The following SPEF2 variants were observed in gnomAD, a reference collection of about 807,000 sequenced individuals.
The protein encoded by SPEF2 is sperm flagella and cilia-associated protein 2.
Under a neutral mutation model 224.6 loss-of-function variants are expected in SPEF2, and 187 were observed. That is an observed-to-expected ratio of 0.83 (90% CI 0.74 to 0.94). The LOEUF (loss-of-function observed/expected upper bound fraction) is 0.94, where lower values mean the gene tolerates loss of function less well. Ranked by LOEUF, SPEF2 falls within the 40% of genes least tolerant of loss-of-function variation. SPEF2 has a pLI of 0.00. For missense variants in SPEF2, 2,170 were observed against 2,135.6 expected (o/e 1.02, Z -0.32); for synonymous variants, 715 against 707.3 (o/e 1.01, Z -0.17).
chr5:35,737,296 G>A (rs1746781098), intron 21 of SPEF2, among the ~76,000 whole-genome samples: 1 of 151,922 alleles, frequency 6.6e-6, no homozygotes, highest in African/African-American at 2.4e-5. Context: ...CATGTGCCAT[G>A]TTGGTGTGCT....
intron 17 of SPEF2, 97 bp from the exon 18 acceptor site, chr5:35,705,554 C>G (rs1580365746): frequency 1.3e-6 from 1 of 795,618 alleles, no homozygotes; most frequent in Non-Finnish European, 1.9e-6. Context: ...ATATTGGCAG[C>G]CTGTCTTTTC....
rs771012146 is a variant in SPEF2 at position 35,814,558 on chromosome 5, A to C, written c.*5A>C. The C allele has an allele frequency of 6.3e-7, 1 of 1,575,228 alleles. No homozygotes were observed. Among genetic ancestry groups the C allele is most frequent in the African/African-American group, 1.4e-5 (1 of 73,414 alleles). ...CATACAGAGGAAAAGAAATGAAGAC[A>C]AAAGAGTGTGATTTTTTTAATTCTG... On this transcript the variant is annotated 3_prime_UTR_variant, in exon 37 of 37. Transcript: ENST00000356031.
chr5:35,621,755 T>G (rs1161193352), intron 1 of SPEF2, among the ~76,000 whole-genome samples: 1 of 152,224 alleles, frequency 6.6e-6, no homozygotes, highest in Non-Finnish European at 1.5e-5. Context: ...GTGCATTTGC[T>G]GCCTTATGGG....
chr5:35,713,309 C>A (rs1360881285), intron 20 of SPEF2, among the ~76,000 whole-genome samples: 1 of 152,186 alleles, frequency 6.6e-6, no homozygotes, highest in African/African-American at 2.4e-5. Context: ...AGAAAGGAGC[C>A]TTGGTACAAT....
chr5:35,789,322 C>G, intron 30 of SPEF2: 1 of 703,474 alleles, frequency 1.4e-6, no homozygotes. Context: ...CAATTGCTGA[C>G]ATATTTGCCA....
intron 20 of SPEF2, among the ~76,000 whole-genome samples, chr5:35,723,172 C>A (rs1024849502): frequency 1.3e-5 from 2 of 152,076 alleles, no homozygotes; most frequent in African/African-American, 4.8e-5. Flanking sequence ...GTCCAGGGAC[C>A]CCCTCCCACC....
At chr5:35,650,978 C>T (rs548676268) in intron 6 of SPEF2, among the ~76,000 whole-genome samples, 8 of 152,238 alleles carry the variant, frequency 5.3e-5, no homozygotes, top group African/African-American at 1.9e-4. Flanking sequence ...TTTTGCCTCA[C>T]TGTCCTGTTG....
intron 10 of SPEF2, among the ~76,000 whole-genome samples, chr5:35,690,594 T>C (rs1424561817): frequency 6.6e-6 from 1 of 152,146 alleles, no homozygotes; most frequent in African/African-American, 2.4e-5. Context: ...TCAAGAAGCC[T>C]GAATAAAGCG....
chr5:35,622,134 T>G (rs1446469403), intron 1 of SPEF2, among the ~76,000 whole-genome samples: 1 of 152,198 alleles, frequency 6.6e-6, no homozygotes, highest in Non-Finnish European at 1.5e-5. Flanking sequence ...CAGTCTATGC[T>G]CCTTGTTAAT....
At chr5:35,700,323 G>A in intron 15 of SPEF2, 173 bp from the exon 16 acceptor site, 1 of 640,600 alleles carries the variant, frequency 1.6e-6, no homozygotes, top group Non-Finnish European at 2.7e-6. Context: ...GTATTTTTAA[G>A]CAAGGGAGTG....
intron 30 of SPEF2, chr5:35,789,334 T>C (rs1439150968): frequency 1.3e-5 from 9 of 703,384 alleles, no homozygotes; most frequent in Non-Finnish European, 2.3e-5. Flanking sequence ...TATTTGCCAC[T>C]TTAGAGTCAA....
At chr5:35,778,617 A>C (rs1468929669) in intron 29 of SPEF2, among the ~76,000 whole-genome samples, 2 of 152,234 alleles carry the variant, frequency 1.3e-5, no homozygotes, top group African/African-American at 4.8e-5. Flanking sequence ...AGATAACATC[A>C]AACTTCTTTG....
intron 36 of SPEF2, among the ~76,000 whole-genome samples, chr5:35,809,704 A>C (rs1561399030): frequency 6.6e-6 from 1 of 152,186 alleles, no homozygotes; most frequent in Non-Finnish European, 1.5e-5. Context: ...TTTGAAAAGC[A>C]AGAGAGAATG....
intron 24 of SPEF2, among the ~76,000 whole-genome samples, chr5:35,757,203 T>A (rs575407725): frequency 6.6e-6 from 1 of 152,114 alleles, no homozygotes; most frequent in Non-Finnish European, 1.5e-5. Flanking sequence ...TCTGCCTTTA[T>A]GAAAATCTTG....
intron 6 of SPEF2, 114 bp downstream of exon 6, chr5:35,649,539 A>G: frequency 4.1e-6 from 3 of 730,058 alleles, no homozygotes. Flanking sequence ...TTTCACTCCA[A>G]AGAATCTTGA....
Position 35,814,596 on chromosome 5 carries a change from C to A in SPEF2, c.*43C>A. 3 of 1,327,164 alleles carry A rather than the reference C, an allele frequency of 2.3e-6. No individual in the cohort carries two copies. Among genetic ancestry groups the A allele is most frequent in the South Asian group, 1.3e-5 (1 of 75,612 alleles). 82.2% of individuals were successfully genotyped at this position (1,327,164 alleles called of 1,614,324 possible). On this transcript the variant is annotated 3_prime_UTR_variant, in exon 37 of 37. Transcript: ENST00000356031. ...TTTTTTAATTCTGCAATAAATCTTC[C>A]AAAAATTAAATGTGACCATGGTGTT...
Position 35,618,268 on chromosome 5 carries a change from C to T in SPEF2, c.58+213C>T, listed in dbSNP as rs116848278. Among the ~76,000 whole-genome samples, 395 of 152,260 alleles carry T rather than the reference C, an allele frequency of 2.6e-3. 7 individuals carry two copies. The East Asian group carries it at 0.044, about 17-fold the overall frequency. ...TCCCTACAGCTCACCCCAGCCAGGG[C>T]AAGGCCTTGTCACGTCCCCACTCTG... On this transcript the variant is annotated intron_variant, in intron 1 of 36. Transcript: ENST00000356031.
chr5:35,726,105 C>T (rs548317321), intron 20 of SPEF2, among the ~76,000 whole-genome samples: 55 of 152,260 alleles, frequency 3.6e-4, no homozygotes, highest in African/African-American at 1.3e-3. Context: ...TTCACTAACG[C>T]ATAGATACAT....
At chr5:35,765,806 A>G (rs1220429168) in intron 26 of SPEF2, among the ~76,000 whole-genome samples, 1 of 152,150 alleles carries the variant, frequency 6.6e-6, no homozygotes, top group African/African-American at 2.4e-5. Context: ...TTATCAGATT[A>G]TGAGCATTCC....
Sources: allele counts gnomAD v4.1 joint callset (sites outside exome capture counted in the v4.1 genomes callset), GRCh38; gene constraint gnomAD v4.1.1; transcripts MANE v1.5; gene names NCBI Gene and HGNC (gene_info 2026-07-23, HGNC 2026-07-21).